The following DIS3L2 variants were observed in gnomAD, a reference collection of about 807,000 sequenced individuals.
The protein encoded by DIS3L2 is DIS3-like exonuclease 2.
DIS3L2 carries 34 observed loss-of-function variants against 97.5 expected under a neutral mutation model. That is an observed-to-expected ratio of 0.35 (90% CI 0.27 to 0.46). The LOEUF (loss-of-function observed/expected upper bound fraction) is 0.46, where lower values mean the gene tolerates loss of function less well. Among genes scored for constraint, DIS3L2 ranks in the 20% least tolerant of loss-of-function variants. The pLI is 1.00. For missense variants in DIS3L2, 1,038 were observed against 1,146.0 expected (o/e 0.91, Z 1.36); for synonymous variants, 435 against 445.2 (o/e 0.98, Z 0.29).
rs562391305 is a variant in DIS3L2 at position 231,970,278 on chromosome 2, G to A, written c.-94+8513G>A. The stretch of plus-strand genomic sequence containing the variant: ...TCATTTGTTAATATGGTGAAATATC[G>A]CATCGATTTTCAAATACAGCCATTT... On this transcript the variant is annotated intron_variant, in intron 1 of 20. Transcript: ENST00000325385. Among the ~76,000 whole-genome samples the A allele has an allele frequency of 7.2e-5, 11 of 152,190 alleles. No individual in the cohort carries two copies. The East Asian group carries it at 9.7e-4, about 13-fold the overall frequency.
chr2:232,260,912 A>G (rs1196944176), intron 12 of DIS3L2, among the ~76,000 whole-genome samples: 3 of 152,142 alleles, frequency 2.0e-5, no homozygotes, highest in Non-Finnish European at 2.9e-5. Context: ...TTCGGAAAGC[A>G]TTGTCTGAGA....
At chr2:232,133,823 T>TA (rs1189180211) in intron 7 of DIS3L2, among the ~76,000 whole-genome samples, 8 of 151,126 alleles carry the variant, frequency 5.3e-5, no homozygotes, top group Non-Finnish European at 1.2e-4. Flanking sequence ...CTGTCTCTAC[T>TA]AAAAAAATAC....
At chr2:232,034,959 G>A (rs1215624941) in intron 5 of DIS3L2, among the ~76,000 whole-genome samples, 1 of 152,218 alleles carries the variant, frequency 6.6e-6, no homozygotes, top group Admixed American at 6.5e-5. Context: ...TTGGGGTGGA[G>A]AGTTCTGTAA....
chr2:232,062,961 A>G (rs761387243), intron 5 of DIS3L2, among the ~76,000 whole-genome samples: 18 of 151,526 alleles, frequency 1.2e-4, no homozygotes, highest in African/African-American at 4.1e-4. Flanking sequence ...CCACATTTGT[A>G]CCCCCTTTCT....
intron 14 of DIS3L2, among the ~76,000 whole-genome samples, chr2:232,311,751 A>G (rs985442185): frequency 1.1e-4 from 16 of 152,284 alleles, no homozygotes; most frequent in African/African-American, 3.6e-4. Flanking sequence ...TTTCTCTTTC[A>G]GCATTATATT....
rs908544170 is a variant in DIS3L2 at position 232,039,742 on chromosome 2, C to T, written c.366+9662C>T. 8.5e-5 allele frequency among the ~76,000 whole-genome samples: 13 copies of T among 152,284 alleles called. 1 individual carries two copies. Among genetic ancestry groups the T allele is most frequent in the South Asian group, 8.3e-4 (4 of 4,820 alleles). On this transcript the variant is annotated intron_variant, in intron 5 of 20. Coordinates refer to ENST00000325385, the MANE Select transcript of DIS3L2 (RefSeq NM_152383.5). ...CTTTGTCAATTGGAATATTAAGGTACTGTGAGAGTGACTGGTTTGAGGACT... is the reference window on the plus strand; with the variant it reads ...CTTTGTCAATTGGAATATTAAGGTATTGTGAGAGTGACTGGTTTGAGGACT...
chr2:232,255,455 A>G (rs1015388314), intron 12 of DIS3L2, among the ~76,000 whole-genome samples: 2 of 152,216 alleles, frequency 1.3e-5, no homozygotes, highest in African/African-American at 4.8e-5. Flanking sequence ...CAGCTATAGA[A>G]AGATTGTTCC....
intron 5 of DIS3L2, among the ~76,000 whole-genome samples, chr2:232,081,610 A>G (rs1198936594): frequency 6.6e-6 from 1 of 152,154 alleles, no homozygotes; most frequent in African/African-American, 2.4e-5. Context: ...AATGCGTAGA[A>G]TTCTCCATAG....
At chr2:232,118,367 TTCCTCTA>T (rs1221987296) in intron 6 of DIS3L2, among the ~76,000 whole-genome samples, 1 of 152,182 alleles carries the variant, frequency 6.6e-6, no homozygotes, top group Non-Finnish European at 1.5e-5. Flanking sequence ...TCACAGATGG[TTCCTCTA>T]TCAGCCTTTA....
chr2:232,094,875 G>T (rs535769491), intron 6 of DIS3L2, among the ~76,000 whole-genome samples: 1 of 152,070 alleles, frequency 6.6e-6, no homozygotes, highest in East Asian at 1.9e-4. Context: ...ATACCTTCTT[G>T]CTGAATTGAC....
intron 7 of DIS3L2, 53 bp from the exon 8 acceptor site, chr2:232,136,419 T>G: frequency 6.3e-7 from 1 of 1,599,196 alleles, no homozygotes; most frequent in Non-Finnish European, 8.5e-7. Flanking sequence ...CTCTCCCAAG[T>G]GTAATTCAGT....
downstream of DIS3L2, among the ~76,000 whole-genome samples, chr2:232,340,119 C>T (rs1445203234): frequency 2.0e-5 from 3 of 152,214 alleles, no homozygotes; most frequent in Admixed American, 6.5e-5. Context: ...GTCACTCCCT[C>T]CTCCAAGTCC....
intron 9 of DIS3L2, among the ~76,000 whole-genome samples, chr2:232,187,418 T>C (rs1691471892): frequency 6.6e-6 from 1 of 152,104 alleles, no homozygotes. Context: ...ATTGAAAACA[T>C]AGCCACACAA....
At chr2:232,045,184 T>TG (rs367708649) in intron 5 of DIS3L2, among the ~76,000 whole-genome samples, 21 of 152,236 alleles carry the variant, frequency 1.4e-4, no homozygotes, top group African/African-American at 4.6e-4. Flanking sequence ...GTTAACCATG[T>TG]GAAGAGTAGA....
intron 14 of DIS3L2, among the ~76,000 whole-genome samples, chr2:232,324,753 T>C (rs1380441232): frequency 1.3e-5 from 2 of 152,190 alleles, no homozygotes; most frequent in Non-Finnish European, 2.9e-5. Context: ...CATCATAAGA[T>C]GTGTAATAAT....
At chr2:232,011,476 C>T (rs1221676246) in intron 1 of DIS3L2, among the ~76,000 whole-genome samples, 1 of 151,888 alleles carries the variant, frequency 6.6e-6, no homozygotes, top group Non-Finnish European at 1.5e-5. Context: ...CCTTAGCCTC[C>T]TAAGTAGCTG....
chr2:232,278,198 C>G (rs1348489748), intron 13 of DIS3L2, among the ~76,000 whole-genome samples: 3 of 152,048 alleles, frequency 2.0e-5, no homozygotes, highest in Admixed American at 1.3e-4. Context: ...CTCTTCAATC[C>G]TCTTTTTGCC....
chr2:232,202,549 A>G (rs929829393), intron 9 of DIS3L2, among the ~76,000 whole-genome samples: 13 of 152,248 alleles, frequency 8.5e-5, no homozygotes, highest in African/African-American at 2.4e-4. Context: ...ACAGAACTTA[A>G]TAAACACATT....
intron 1 of DIS3L2, among the ~76,000 whole-genome samples, chr2:232,013,915 T>A (rs1381996614): frequency 1.3e-5 from 2 of 152,220 alleles, no homozygotes; most frequent in African/African-American, 4.8e-5. Flanking sequence ...TTAATTTCAA[T>A]TTAAAGAGAA....
Sources: gnomAD v4.1 joint callset for allele counts (sites outside exome capture counted in the v4.1 genomes callset) on GRCh38, gnomAD v4.1.1 for gene constraint, MANE v1.5 for transcripts, NCBI Gene and HGNC (gene_info 2026-07-23, HGNC 2026-07-21) for gene names.